The following COMMD9 variants were observed in gnomAD, a reference collection of about 807,000 sequenced individuals.
COMMD9 encodes the protein COMM domain-containing protein 9.
In COMMD9, 22 loss-of-function variants were observed where a neutral mutation model predicts 23.4. The observed-to-expected ratio is 0.94, with a 90% confidence interval of 0.67 to 1.34. COMMD9 has a LOEUF of 1.34. Ranked by LOEUF, COMMD9 falls within the 40% of genes most tolerant of loss-of-function variation. The pLI is 0.00. For synonymous variants in COMMD9, 99 were observed against 97.4 expected (o/e 1.02, Z -0.10); for missense variants, 231 against 240.2 (o/e 0.96, Z 0.25).
chr11:36,288,843 A>G (rs1159331220), intron 1 of COMMD9, among the ~76,000 whole-genome samples: 2 of 152,178 alleles, frequency 1.3e-5, no homozygotes, highest in Non-Finnish European at 2.9e-5. Context: ...AGCCCTATGA[A>G]GTAGGTCCCT....
intron 5 of COMMD9, among the ~76,000 whole-genome samples, chr11:36,275,507 G>C (rs1166807712): frequency 6.8e-6 from 1 of 147,178 alleles, no homozygotes; most frequent in Non-Finnish European, 1.5e-5. Context: ...GCAGTGGTGT[G>C]ATCTCGGCTC....
chr11:36,282,803 A>G (rs1420138829), intron 1 of COMMD9, among the ~76,000 whole-genome samples: 4 of 152,200 alleles, frequency 2.6e-5, no homozygotes, highest in Non-Finnish European at 5.9e-5. Context: ...GCAAAGTCCC[A>G]CAATAGGCCG....
chr11:36,274,239 G>A lies in COMMD9; in HGVS notation c.*393C>T. 2.2e-6 allele frequency: 1 copy of A among 462,528 alleles called. No individual in the cohort carries two copies. The highest frequency in any genetic ancestry group is 4.3e-6 in the Non-Finnish European group (1 of 231,368). The allele number at this position is 462,528 out of a possible 1,614,324, so 28.7% of individuals were successfully genotyped here. A position where few individuals can be genotyped will look rare whatever the true frequency, so the allele number is the denominator to read the frequency against. ...CTCCATGTGTTCTGGGATTGGAAAT[G>A]AACTAATTAGAGCTAATGTTGGAAA... On this transcript the variant is annotated 3_prime_UTR_variant, in exon 6 of 6. Coordinates refer to ENST00000263401, the MANE Select transcript of COMMD9 (RefSeq NM_014186.4).
At chr11:36,287,794 G>A (rs1856197581) in intron 1 of COMMD9, among the ~76,000 whole-genome samples, 1 of 152,068 alleles carries the variant, frequency 6.6e-6, no homozygotes, top group African/African-American at 2.4e-5. Flanking sequence ...AAACATAGAG[G>A]TTACCATTGG....
In COMMD9 at chr11:36,273,118, A is replaced by G. The variant is rs1273237987; in HGVS notation, c.*1514T>C. 1.3e-5 allele frequency: 2 copies of G among 152,214 alleles called. No individual in the cohort carries two copies. Among genetic ancestry groups the G allele is most frequent in the East Asian group, 3.8e-4 (2 of 5,202 alleles). 9.4% of individuals were successfully genotyped at this position (152,214 alleles called of 1,614,324 possible). On this transcript the variant is annotated 3_prime_UTR_variant, in exon 6 of 6. Coordinates refer to ENST00000263401, the MANE Select transcript of COMMD9 (RefSeq NM_014186.4). ...TATTATACTCATTTAATTTAGGAAA[A>G]AAGTACAAAGTGGGTGAAAATTGAG...
intron 1 of COMMD9, among the ~76,000 whole-genome samples, chr11:36,287,555 T>A (rs1205085317): frequency 6.6e-6 from 1 of 151,486 alleles, no homozygotes; most frequent in Non-Finnish European, 1.5e-5. Flanking sequence ...CTCTCTATAT[T>A]ATTTCTTACA....
chr11:36,277,269 A>C (rs1855989449), intron 3 of COMMD9, 146 bp from the exon 4 acceptor site: 2 of 488,270 alleles, frequency 4.1e-6, no homozygotes, highest in Middle Eastern at 5.8e-4. Context: ...CCCTCCCTCC[A>C]AGAAAGTCTT....
At position 36,280,852 on chromosome 11, in the gene COMMD9, A is replaced by G. The variant is rs771943117; in HGVS notation, c.52-15T>C. On this transcript the variant is annotated splice_polypyrimidine_tract_variant and intron_variant, in intron 1 of 5. Transcript: ENST00000263401. ...TTCGAGGAGGCCTATGAATTAAATC[A>G]CAGATAGGAAAAAAAAAAACTCAGA... The G allele has an allele frequency of 1.3e-6, 2 of 1,537,406 alleles. No homozygotes were observed. The highest frequency in any genetic ancestry group is 2.8e-5 in the African/African-American group (2 of 71,322).
intron 3 of COMMD9, 111 bp downstream of exon 3, chr11:36,278,366 A>G: frequency 1.0e-6 from 1 of 974,334 alleles, no homozygotes; most frequent in Non-Finnish European, 1.6e-6. Flanking sequence ...CTTTTTGCTT[A>G]TCCGGGCTTC....
At position 36,274,727 on chromosome 11, in the gene COMMD9, C is replaced by A. The variant is rs1282269876; in HGVS notation, c.502G>T (p.Ala168Ser). 31 of 1,614,146 alleles carry A rather than the reference C, an allele frequency of 1.9e-5. No individual in the cohort carries two copies. Among genetic ancestry groups the A allele is most frequent in the Non-Finnish European group, 2.6e-5 (31 of 1,180,054 alleles). The stretch of plus-strand genomic sequence containing the variant: ...TCTTTGCTCAGCTCCACGGTGACAG[C>A]TGAGATGGAGGGTTTGTCTCCGCAT... ...SLCGDKPSIS[A>S]VTVELSKETL... The change falls in exon 6 of 6, where the codon GCT becomes TCT. Residue 168 changes from alanine to serine, a missense_variant. By Grantham distance (99) the Ala-to-Ser change is moderately conservative. Coordinates refer to ENST00000263401, the MANE Select transcript of COMMD9 (RefSeq NM_014186.4).
intron 3 of COMMD9, 68 bp downstream of exon 3, chr11:36,278,409 C>A: frequency 1.4e-6 from 2 of 1,450,040 alleles, no homozygotes; most frequent in Non-Finnish European, 1.9e-6. Flanking sequence ...ATTACTACTT[C>A]TAGAATGAGA....
At chr11:36,275,571 G>C (rs1440151890) in intron 5 of COMMD9, among the ~76,000 whole-genome samples, 1 of 151,978 alleles carries the variant, frequency 6.6e-6, no homozygotes, top group Non-Finnish European at 1.5e-5. Flanking sequence ...AGCCTCCTGA[G>C]TAGCTGGGAC....
Position 36,274,183 on chromosome 11 carries a change from C to T in COMMD9, c.*449G>A. 1 of 443,452 alleles carries T rather than the reference C, an allele frequency of 2.3e-6. No homozygotes were observed. Among genetic ancestry groups the T allele is most frequent in the Non-Finnish European group, 4.6e-6 (1 of 219,026 alleles). 27.5% of individuals were successfully genotyped at this position (443,452 alleles called of 1,614,324 possible). On this transcript the variant is annotated 3_prime_UTR_variant, in exon 6 of 6. Transcript: ENST00000263401. ...CTGCCTGGCTTCCCTGACAGAGGAG[C>T]AGGAACTGCTGGCATCACCTGTCCG... is the stretch of plus-strand genomic sequence containing the variant.
intron 5 of COMMD9, among the ~76,000 whole-genome samples, chr11:36,275,046 C>T (rs1342432782): frequency 6.6e-6 from 1 of 152,176 alleles, no homozygotes; most frequent in African/African-American, 2.4e-5. Flanking sequence ...TCTCTGATAC[C>T]CTAACTCTCA....
chr11:36,274,139 G>A lies in COMMD9; in HGVS notation c.*493C>T. 2.4e-6 allele frequency: 1 copy of A among 410,096 alleles called. No individual in the cohort carries two copies. Among genetic ancestry groups the A allele is most frequent in the Non-Finnish European group, 5.0e-6 (1 of 202,014 alleles). The allele number at this position is 410,096 out of a possible 1,614,324, so 25.4% of individuals were successfully genotyped here. ...AGGGGGCTCAGGGAACACTCTGGAT[G>A]GACCATGCTCTGTGGGCTCTGCCTG... On this transcript the variant is annotated 3_prime_UTR_variant, in exon 6 of 6. Coordinates refer to ENST00000263401, the MANE Select transcript of COMMD9 (RefSeq NM_014186.4).
chr11:36,286,395 C>CAAAAAAAAAAAAAAAA (rs138463305), intron 1 of COMMD9, among the ~76,000 whole-genome samples: 13 of 76,866 alleles, frequency 1.7e-4, no homozygotes, highest in South Asian at 5.2e-4. Flanking sequence ...ACTAAAAATA[C>CAAAAAAAAAAAAAAAA]AAAAAAAAAA....
intron 4 of COMMD9, chr11:36,276,485 C>T: frequency 2.2e-6 from 1 of 446,752 alleles, no homozygotes; most frequent in Non-Finnish European, 4.0e-6. Flanking sequence ...ACCTGAACAC[C>T]CAGCCCTCCA....
chr11:36,278,812 G>C (rs1053584814), intron 2 of COMMD9, among the ~76,000 whole-genome samples, 196 bp from the exon 3 acceptor site: 5 of 152,214 alleles, frequency 3.3e-5, no homozygotes, highest in Non-Finnish European at 7.3e-5. Context: ...TTCACCTGTT[G>C]CTTTAGAAGA....
In COMMD9 at chr11:36,289,368, C is replaced by A. The variant is rs190818722; in HGVS notation, c.45G>T (p.Leu15=). The change falls in exon 1 of 6, where the codon CTG becomes CTT. Residue 15 remains leucine, a synonymous_variant. Transcript: ENST00000263401. ...TAEHFAALQS[L]LKASSKDVVR... is the part of the protein sequence containing the mutation. ...CCCCACCCCTTCGACTTACCTTGAG[C>A]AGGCTCTGGAGTGCTGCAAAATGCT... 3.2e-6 allele frequency: 5 copies of A among 1,551,604 alleles called. No homozygotes were observed. Among genetic ancestry groups the A allele is most frequent in the Non-Finnish European group, 4.4e-6 (5 of 1,146,974 alleles).
Sources: allele counts gnomAD v4.1 joint callset (sites outside exome capture counted in the v4.1 genomes callset), GRCh38; gene constraint gnomAD v4.1.1; transcripts MANE v1.5; gene names NCBI Gene and HGNC (gene_info 2026-07-23, HGNC 2026-07-21).